The following CSMD3 variants were observed in gnomAD, a reference collection of about 807,000 sequenced individuals.
CSMD3 encodes the protein CUB and Sushi multiple domains 3, also known as CUB and sushi domain-containing protein 3.
A neutral mutation model predicts 435.2 loss-of-function variants in CSMD3; 177 were observed. The observed-to-expected ratio is 0.41, with a 90% CI of 0.36 to 0.46. The LOEUF (loss-of-function observed/expected upper bound fraction) is 0.46. Ranked by LOEUF, CSMD3 falls within the 20% of genes least tolerant of loss-of-function variation. The probability of loss-of-function intolerance (pLI) is 0.34; values close to 1 mark genes in which losing one functional copy is unlikely to be tolerated. For missense variants in CSMD3, 4,265 were observed against 4,504.6 expected (o/e 0.95, Z 1.52); for synonymous variants, 1,656 against 1,520.5 (o/e 1.09, Z -2.07).
intron 2 of CSMD3, among the ~76,000 whole-genome samples, chr8:113,302,299 A>AT (rs1563672602): frequency 8.9e-4 from 6 of 6,742 alleles, no homozygotes; most frequent in East Asian, 0.12. Flanking sequence ...AATATAATAT[A>AT]ATATATATAT....
intron 17 of CSMD3, among the ~76,000 whole-genome samples, chr8:112,661,234 T>C (rs1018170590): frequency 2.6e-5 from 4 of 152,154 alleles, no homozygotes; most frequent in Admixed American, 2.6e-4. Context: ...AGTGTTACAT[T>C]TTATTAAAAT....
chr8:112,523,486 A>T (rs923852565), intron 27 of CSMD3, among the ~76,000 whole-genome samples: 9 of 151,896 alleles, frequency 5.9e-5, no homozygotes, highest in African/African-American at 1.9e-4. Context: ...TCATGGGCCA[A>T]ATTTGGTATT....
At chr8:113,423,419 A>G (rs1220143661) in intron 1 of CSMD3, among the ~76,000 whole-genome samples, 2 of 152,158 alleles carry the variant, frequency 1.3e-5, no homozygotes, top group African/African-American at 4.8e-5. Context: ...ACTGCATTTT[A>G]GGCAAGCAGT....
intron 1 of CSMD3, among the ~76,000 whole-genome samples, chr8:113,422,772 T>A (rs1452667368): frequency 6.6e-6 from 1 of 152,132 alleles, no homozygotes; most frequent in African/African-American, 2.4e-5. Context: ...TTTTTTGGCT[T>A]CTTAGGCTAT....
intron 13 of CSMD3, among the ~76,000 whole-genome samples, chr8:112,788,028 C>T (rs1240662300): frequency 1.3e-5 from 2 of 152,096 alleles, no homozygotes; most frequent in Non-Finnish European, 2.9e-5. Flanking sequence ...ACTTATTATA[C>T]ACTGTAGGCC....
chr8:113,355,327 T>A (rs1055531733), intron 1 of CSMD3, among the ~76,000 whole-genome samples: 1 of 151,986 alleles, frequency 6.6e-6, no homozygotes, highest in Non-Finnish European at 1.5e-5. Context: ...TAGTCAGTTC[T>A]GGCTGCTACA....
chr8:113,195,668 C>T (rs2132003737), intron 3 of CSMD3, among the ~76,000 whole-genome samples: 1 of 149,904 alleles, frequency 6.7e-6, no homozygotes, highest in Middle Eastern at 3.5e-3. Flanking sequence ...TGAGAAAGAA[C>T]CTAATGGTGC....
chr8:112,788,583 AT>A (rs1274442447), intron 13 of CSMD3, among the ~76,000 whole-genome samples: 1 of 152,300 alleles, frequency 6.6e-6, no homozygotes, highest in East Asian at 1.9e-4. Context: ...ACTTAAAATT[AT>A]TTTTAAGTAT....
At chr8:112,735,004 T>C (rs182617894) in intron 13 of CSMD3, among the ~76,000 whole-genome samples, 4 of 152,144 alleles carry the variant, frequency 2.6e-5, no homozygotes, top group Non-Finnish European at 5.9e-5. Flanking sequence ...TATCTCTATT[T>C]GTCTCTTGTT....
chr8:112,407,290 A>C (rs1831943409), intron 34 of CSMD3, among the ~76,000 whole-genome samples: 1 of 152,030 alleles, frequency 6.6e-6, no homozygotes, highest in Admixed American at 6.6e-5. Context: ...ATTAACAACA[A>C]TAAAAGTTTT....
intron 13 of CSMD3, among the ~76,000 whole-genome samples, chr8:112,742,725 C>G (rs2077340104): frequency 6.6e-6 from 1 of 151,906 alleles, no homozygotes; most frequent in Non-Finnish European, 1.5e-5. Context: ...TGTACCTGAT[C>G]ATAAAGGAAC....
At chr8:112,899,723 G>T (rs1331201947) in intron 10 of CSMD3, among the ~76,000 whole-genome samples, 1 of 142,774 alleles carries the variant, frequency 7.0e-6, no homozygotes, top group Admixed American at 7.1e-5. Context: ...GTATGCTACA[G>T]GTATGCTCAT....
intron 5 of CSMD3, among the ~76,000 whole-genome samples, chr8:113,090,686 G>T (rs1423426724): frequency 1.3e-5 from 2 of 152,090 alleles, no homozygotes; most frequent in Non-Finnish European, 2.9e-5. Flanking sequence ...CCATGGCCCA[G>T]CAATGCTGTT....
chr8:112,765,812 A>G (rs1321272814), intron 13 of CSMD3, among the ~76,000 whole-genome samples: 1 of 151,688 alleles, frequency 6.6e-6, no homozygotes. Flanking sequence ...AAGATCTCCT[A>G]GGTATATTTT....
intron 10 of CSMD3, among the ~76,000 whole-genome samples, chr8:112,888,457 T>C (rs1406012008): frequency 1.3e-5 from 2 of 151,600 alleles, no homozygotes; most frequent in Non-Finnish European, 3.0e-5. Context: ...GTGAAGGATT[T>C]TGCTGGTAAT....
chr8:112,428,778 T>C (rs530104085), intron 32 of CSMD3, among the ~76,000 whole-genome samples: 1 of 152,194 alleles, frequency 6.6e-6, no homozygotes, highest in African/African-American at 2.4e-5. Context: ...GTTCCGTGGA[T>C]CCTCCCTGAA....
chr8:112,569,269 CACAGCAGAAAG>C (rs1289417313), intron 24 of CSMD3, among the ~76,000 whole-genome samples: 2 of 152,056 alleles, frequency 1.3e-5, no homozygotes, highest in East Asian at 3.9e-4. Flanking sequence ...CTAGGCATGC[CACAGCAGAAAG>C]ACAGGAGCAA....
At chr8:112,379,922 A>G (rs1167156640) in intron 38 of CSMD3, among the ~76,000 whole-genome samples, 1 of 152,200 alleles carries the variant, frequency 6.6e-6, no homozygotes, top group African/African-American at 2.4e-5. Flanking sequence ...TGGGAAATCT[A>G]AAATAGTCAG....
intron 13 of CSMD3, among the ~76,000 whole-genome samples, chr8:112,737,705 G>A (rs2077216707): frequency 6.6e-6 from 1 of 151,824 alleles, no homozygotes; most frequent in South Asian, 2.1e-4. Context: ...ATCGTAAGTG[G>A]CTGAATGTGC....
Sources: gnomAD v4.1 joint callset for allele counts (sites outside exome capture counted in the v4.1 genomes callset) on GRCh38, gnomAD v4.1.1 for gene constraint, MANE v1.5 for transcripts, NCBI Gene and HGNC (gene_info 2026-07-23, HGNC 2026-07-21) for gene names.